CGGBP1: variants seen among roughly 807,000 people sequenced by gnomAD.
CGGBP1 encodes CGG triplet repeat binding protein 1, also known as CGG triplet repeat-binding protein 1.
Under a neutral mutation model 11.4 loss-of-function variants are expected in CGGBP1, and 4 were observed. The ratio of observed to expected loss-of-function variants is 0.35; its 90% CI spans 0.17 to 0.80. The LOEUF (loss-of-function observed/expected upper bound fraction) is 0.80. CGGBP1 is among the 30% of genes least tolerant of loss of function. The pLI is 0.52. For synonymous variants in CGGBP1, 76 were observed against 74.1 expected (o/e 1.03, Z -0.13); for missense variants, 135 against 202.1 (o/e 0.67, Z 2.01).
intron 2 of CGGBP1, chr3:88,086,158 T>A: frequency 5.5e-6 from 6 of 1,089,340 alleles, no homozygotes; most frequent in Non-Finnish European, 7.8e-6. Context: ...TTCATGCCGA[T>A]CTAATATTTT....
Position 88,055,158 on chromosome 3 carries a change from G to C in CGGBP1, c.*315C>G, listed in dbSNP as rs1180762026. ...CAAGGAATAATCATACATGGCAACA[G>C]GGTAAAAAAGCAGGGCAGTTCTTCC... On this transcript the variant is annotated 3_prime_UTR_variant, in exon 4 of 4. Coordinates refer to ENST00000482016, the MANE Select transcript of CGGBP1 (RefSeq NM_001008390.2). The surrounding 1 kb of genome is among the most constrained non-coding windows in gnomAD (Gnocchi z 4.2). 4.7e-6 allele frequency: 1 copy of C among 212,340 alleles called. No homozygotes were observed. The highest frequency in any genetic ancestry group is 1.0e-4 in the East Asian group (1 of 9,726). The allele number at this position is 212,340 out of a possible 1,614,324, so 13.2% of individuals were successfully genotyped here.
At chr3:88,117,364 T>TCTCTATAG (rs1415773283) in intron 2 of CGGBP1, among the ~76,000 whole-genome samples, 2 of 152,120 alleles carry the variant, frequency 1.3e-5, no homozygotes, top group Non-Finnish European at 2.9e-5. Context: ...GCAATAAAAT[T>TCTCTATAG]CTCTATAGTA....
chr3:88,100,469 CTGGGTATATACCCAGAGGATTATAAATCA>C (rs1287058859), intron 2 of CGGBP1, among the ~76,000 whole-genome samples: 1 of 152,212 alleles, frequency 6.6e-6, no homozygotes, highest in Non-Finnish European at 1.5e-5. Context: ...CATCCCATTA[CTGGGTATATACCCAGAGGATTATAAATCA>C]TGCTGCGCAC....
intron 2 of CGGBP1, chr3:88,129,557 A>G (rs1706326167): frequency 2.9e-6 from 2 of 696,288 alleles, no homozygotes; most frequent in African/African-American, 1.8e-5. Flanking sequence ...ATTTCTGTAC[A>G]AGTCATCATT....
intron 2 of CGGBP1, among the ~76,000 whole-genome samples, chr3:88,076,589 G>C (rs961573411): frequency 3.3e-5 from 5 of 151,512 alleles, no homozygotes. Context: ...GTTTTGTTTT[G>C]TTTTAAACAA....
intron 2 of CGGBP1, among the ~76,000 whole-genome samples, chr3:88,092,481 G>T (rs1460772404): frequency 6.6e-6 from 1 of 152,118 alleles, no homozygotes; most frequent in Admixed American, 6.6e-5. Flanking sequence ...AATGTGCTGG[G>T]TGAGCTAACT....
intron 2 of CGGBP1, among the ~76,000 whole-genome samples, chr3:88,066,659 T>C (rs1246029823): frequency 6.6e-6 from 1 of 152,196 alleles, no homozygotes; most frequent in African/African-American, 2.4e-5. Context: ...GTCATTGCTT[T>C]TAAGTTTTTT....
At chr3:88,095,737 T>C in intron 2 of CGGBP1, 1 of 392,422 alleles carries the variant, frequency 2.5e-6, no homozygotes, top group East Asian at 8.6e-5. Context: ...TCCCCAGGCT[T>C]GTTATTTTAA....
intron 2 of CGGBP1, chr3:88,140,242 T>A: frequency 3.1e-6 from 5 of 1,613,860 alleles, no homozygotes; most frequent in Non-Finnish European, 4.2e-6. Context: ...TTTGAAGATC[T>A]TCCTCTGCTG....
At chr3:88,092,664 T>TTG (rs1327069445) in intron 2 of CGGBP1, among the ~76,000 whole-genome samples, 2 of 152,214 alleles carry the variant, frequency 1.3e-5, no homozygotes, top group African/African-American at 4.8e-5. Flanking sequence ...TTTTATTTGC[T>TTG]TGACATATGA....
At chr3:88,104,323 G>T (rs1704608312) in intron 2 of CGGBP1, among the ~76,000 whole-genome samples, 1 of 152,138 alleles carries the variant, frequency 6.6e-6, no homozygotes, top group Non-Finnish European at 1.5e-5. Context: ...TAAAGCAGGG[G>T]TTGACAAAAC....
rs147305046 is a variant in CGGBP1 at position 88,093,333 on chromosome 3, A to G, written c.-228-35110T>C. 2.7e-3 allele frequency among the ~76,000 whole-genome samples: 414 copies of G among 152,292 alleles called. 2 individuals are homozygous for G. The highest frequency in any genetic ancestry group is 8.6e-3 in the African/African-American group (356 of 41,562). ...ACTTTATAAGTTTTACATAAAAGAA[A>G]AGCAAATTGTAATGCTGCCTTCACA... On this transcript the variant is annotated intron_variant, in intron 2 of 3. Coordinates refer to the CGGBP1 transcript ENST00000462901.
chr3:88,052,914 T>C lies in CGGBP1; in HGVS notation c.*2559A>G, dbSNP rs921944738. The C allele has an allele frequency of 2.6e-5, 4 of 152,602 alleles. No homozygotes were observed. Among genetic ancestry groups the C allele is most frequent in the Non-Finnish European group, 5.9e-5 (4 of 68,006 alleles). 9.5% of individuals were successfully genotyped at this position (152,602 alleles called of 1,614,324 possible). On this transcript the variant is annotated 3_prime_UTR_variant, in exon 4 of 4. Coordinates refer to ENST00000482016, the MANE Select transcript of CGGBP1 (RefSeq NM_001008390.2). Reference sequence around the variant, plus strand: ...CTAGGAAATATTTACTGTAAGCATATTGTGAAATTCTGGAAGACATACTAT... The same window carrying C: ...CTAGGAAATATTTACTGTAAGCATACTGTGAAATTCTGGAAGACATACTAT...
intron 2 of CGGBP1, among the ~76,000 whole-genome samples, chr3:88,099,295 A>T (rs1007456466): frequency 6.7e-6 from 1 of 149,900 alleles, no homozygotes; most frequent in Non-Finnish European, 1.5e-5. Context: ...GACCTCTTCA[A>T]GGAGAACTGC....
chr3:88,099,615 A>C (rs1559709613), intron 2 of CGGBP1, among the ~76,000 whole-genome samples: 2 of 152,188 alleles, frequency 1.3e-5, no homozygotes, highest in African/African-American at 4.8e-5. Flanking sequence ...TGGTACTGGT[A>C]CCAAAACAGA....
At chr3:88,125,711 T>C (rs1216266830) in intron 2 of CGGBP1, among the ~76,000 whole-genome samples, 1 of 152,190 alleles carries the variant, frequency 6.6e-6, no homozygotes, top group Non-Finnish European at 1.5e-5. Context: ...AGAGAGACTT[T>C]ACATTTAGCA....
intron 2 of CGGBP1, among the ~76,000 whole-genome samples, chr3:88,099,371 G>A (rs1374411051): frequency 3.9e-5 from 6 of 152,154 alleles, no homozygotes; most frequent in African/African-American, 9.7e-5. Context: ...TGGATAGGAA[G>A]AATCAATATT....
At chr3:88,107,044 C>A (rs73132512) in intron 2 of CGGBP1, among the ~76,000 whole-genome samples, 10,292 of 152,180 alleles carry the variant, frequency 0.068, 478 homozygotes, top group Non-Finnish European at 0.1. Context: ...CTTTTCATTT[C>A]TCTTGTTTCA....
At chr3:88,079,626 G>A (rs1053752583) in intron 2 of CGGBP1, among the ~76,000 whole-genome samples, 2 of 151,978 alleles carry the variant, frequency 1.3e-5, no homozygotes, top group African/African-American at 4.8e-5. Context: ...GAGTGATACT[G>A]TAATGGGTAT....
Sources: gnomAD v4.1 joint callset for allele counts (sites outside exome capture counted in the v4.1 genomes callset) on GRCh38, gnomAD v4.1.1 for gene constraint, Gnocchi (gnomAD v3.1) non-coding constraint, MANE v1.5 for transcripts, NCBI Gene and HGNC (gene_info 2026-07-23, HGNC 2026-07-21) for gene names.